The following KBTBD4 variants were observed in gnomAD, a reference collection of about 807,000 sequenced individuals.
KBTBD4 encodes kelch repeat and BTB domain containing 4, also known as kelch repeat and BTB domain-containing protein 4.
KBTBD4 carries 30 observed loss-of-function variants against 43.9 expected under a neutral mutation model. The ratio of observed to expected loss-of-function variants is 0.68; its 90% CI spans 0.51 to 0.93. The LOEUF (loss-of-function observed/expected upper bound fraction) is 0.93. Among genes scored for constraint, KBTBD4 ranks in the 40% least tolerant of loss-of-function variants. The pLI is 0.00. For synonymous variants in KBTBD4, 258 were observed against 256.9 expected (o/e 1.00, Z -0.04); for missense variants, 575 against 668.8 (o/e 0.86, Z 1.55).
rs371831397 is a variant in KBTBD4, at chr11:47,578,911, C to T, written c.19+22G>A. ...CCACGCTCACCTCACGATTTCCCTA[C>T]CTGCCTGTCTCGCTTTCTCACCTGC... On this transcript the variant is annotated intron_variant, in intron 1 of 3. Transcript: ENST00000430070. The T allele has an allele frequency of 1.2e-5, 18 of 1,551,658 alleles. 1 individual carries two copies. Among genetic ancestry groups the T allele is most frequent in the Non-Finnish European group, 1.6e-5 (18 of 1,147,022 alleles).
intron 1 of KBTBD4, 129 bp downstream of exon 1, chr11:47,578,804 G>GCCCCC: frequency 1.3e-6 from 2 of 1,529,510 alleles, no homozygotes; most frequent in Non-Finnish European, 1.8e-6. Flanking sequence ...AACCCAAAAC[G>GCCCCC]CCCGCCCCCT....
At chr11:47,578,094 C>T in intron 1 of KBTBD4, 66 bp from the exon 2 acceptor site, 1 of 1,574,848 alleles carries the variant, frequency 6.3e-7, no homozygotes, top group Non-Finnish European at 8.6e-7. Context: ...ATCCAACTGT[C>T]CAACTCAGGG....
Position 47,572,963 on chromosome 11 carries a change from C to T in KBTBD4, c.1572G>A (p.Val524=). 5 of 1,614,150 alleles carry T rather than the reference C, an allele frequency of 3.1e-6. No individual in the cohort carries two copies. The highest frequency in any genetic ancestry group is 1.1e-5 in the South Asian group (1 of 91,072). The part of the protein sequence containing the change: ...SAVTVTRGIK[V]LLTNLQFVLA ...ACACAAACTGCAAATTGGTAAGCAG[C>T]ACCTTAATACCTCTTGTGACAGTTA... The change falls in exon 4 of 4, where the codon GTG becomes GTA. Residue 524 remains valine (V), a synonymous_variant. Transcript: ENST00000430070.
At chr11:47,574,028 T>G (rs1478196380) in intron 3 of KBTBD4, among the ~76,000 whole-genome samples, 1 of 152,154 alleles carries the variant, frequency 6.6e-6, no homozygotes, top group Non-Finnish European at 1.5e-5. Flanking sequence ...AAGCTAGTGC[T>G]TCAGACAAAG....
rs756555249 is a variant in KBTBD4, at chr11:47,577,948, T to A, written c.100A>T (p.Asn34Tyr). The A allele has an allele frequency of 1.2e-6, 2 of 1,614,208 alleles. No individual in the cohort carries two copies. Among genetic ancestry groups the A allele is most frequent in the South Asian group, 2.2e-5 (2 of 91,090 alleles). Residue 34 changes from asparagine to tyrosine, a missense_variant, in exon 2 of 4, where the codon AAC becomes TAC. Physicochemically the swap from Asn to Tyr is moderately radical, Grantham distance 143. Coordinates refer to ENST00000430070, the MANE Select transcript of KBTBD4 (RefSeq NM_018095.6). ...TGTGACCGATCTTTGAAAGTGTAGTTCACAAAGTAGTTCTCATCCATGGAT... is the reference window on the plus strand; with the variant it reads ...TGTGACCGATCTTTGAAAGTGTAGTACACAAAGTAGTTCTCATCCATGGAT... ...GASMDENYFVNYTFKDRSHSG... is the reference protein window; with the variant it reads ...GASMDENYFVYYTFKDRSHSG...
At position 47,575,726 on chromosome 11, in the gene KBTBD4, T is replaced by TCAATGA. The variant is rs770753126; in HGVS notation, c.638-33_638-28dup. On this transcript the variant is annotated intron_variant, in intron 2 of 3. Coordinates refer to ENST00000430070, the MANE Select transcript of KBTBD4 (RefSeq NM_018095.6). Reference sequence around the variant, plus strand: ...TGTGAGAGCCAGAGGAAAGGCATGGTCAATGACAATCCGAAAGAGAAATTC... The same window carrying TCAATGA: ...TGTGAGAGCCAGAGGAAAGGCATGGTCAATGACAATGACAATCCGAAAGAGAAATTC... 9.3e-6 allele frequency: 13 copies of TCAATGA among 1,402,172 alleles called. No homozygotes were observed. In the African/African-American group the frequency reaches 1.6e-4, roughly 17 times the overall value. 86.9% of individuals were successfully genotyped at this position (1,402,172 alleles called of 1,614,324 possible). A position where few individuals can be genotyped will look rare whatever the true frequency, so the allele number is the denominator to read the frequency against.
At chr11:47,578,688 G>C in intron 1 of KBTBD4, 1 of 1,114,772 alleles carries the variant, frequency 9.0e-7, no homozygotes, top group African/African-American at 1.6e-5. Flanking sequence ...GCTCCACCTT[G>C]AGTCGTCTTG....
At chr11:47,578,212 C>T (rs2097263900) in intron 1 of KBTBD4, 184 bp from the exon 2 acceptor site, 2 of 614,252 alleles carry the variant, frequency 3.3e-6, no homozygotes, top group Admixed American at 5.9e-5. Flanking sequence ...GTTCGTTATC[C>T]CCAGTGGCGC....
chr11:47,572,929 C>T lies in KBTBD4; in HGVS notation c.*1G>A. ...GCAGTTCTCCTCCCCTCCCCACAGC[C>T]TTAGGCCAACACAAACTGCAAATTG... On this transcript the variant is annotated 3_prime_UTR_variant, in exon 4 of 4. Coordinates refer to ENST00000430070, the MANE Select transcript of KBTBD4 (RefSeq NM_018095.6). 6.2e-7 allele frequency: 1 copy of T among 1,611,470 alleles called. No homozygotes were observed. Among genetic ancestry groups the T allele is most frequent in the Non-Finnish European group, 8.5e-7 (1 of 1,178,304 alleles).
In KBTBD4 at chr11:47,575,706, G is replaced by A. The variant is rs2097257940; in HGVS notation, c.638-7C>T. The A allele has an allele frequency of 1.9e-6, 3 of 1,567,182 alleles. No homozygotes were observed. Among genetic ancestry groups the A allele is most frequent in the African/African-American group, 1.4e-5 (1 of 73,220 alleles). On this transcript the variant is annotated splice_polypyrimidine_tract_variant and splice_region_variant and intron_variant, in intron 2 of 3. Transcript: ENST00000430070. ...TGAGAACACGGAACTCCATCTGTGA[G>A]AGCCAGAGGAAAGGCATGGTCAATG... is the stretch of plus-strand genomic sequence containing the variant.
chr11:47,573,477 C>T lies in KBTBD4; in HGVS notation c.1058G>A (p.Gly353Asp), dbSNP rs2097253517. The T allele has an allele frequency of 6.2e-7, 1 of 1,614,188 alleles. No individual in the cohort carries two copies. Among genetic ancestry groups the T allele is most frequent in the Non-Finnish European group, 8.5e-7 (1 of 1,180,032 alleles). Reference protein sequence around the residue: ...PGKDAIYSLGGKTLQDTLSNA... With the variant: ...PGKDAIYSLGDKTLQDTLSNA... The stretch of plus-strand genomic sequence containing the variant: ...GGAGAGGGTATCTTGCAGTGTCTTG[C>T]CACCCAGTGAATATATGGCATCTTT... Residue 353 changes from glycine (G) to aspartate (D), a missense_variant, in exon 4 of 4, where the codon GGC becomes GAC. Gly to Asp is a moderately conservative substitution (Grantham distance 94). Transcript: ENST00000430070. This position sits in a 1 kb window ranked among gnomAD's most constrained non-coding sequence, Gnocchi z 4.1.
chr11:47,576,263 T>C (rs1485308649), intron 2 of KBTBD4, among the ~76,000 whole-genome samples: 2 of 146,920 alleles, frequency 1.4e-5, no homozygotes, highest in African/African-American at 5.0e-5. Flanking sequence ...ACCTCCCGGG[T>C]TCACGCCATT....
At chr11:47,578,414 T>A in intron 1 of KBTBD4, 1 of 567,832 alleles carries the variant, frequency 1.8e-6, no homozygotes. Context: ...CTAGTGAAGC[T>A]CAGGGGCAGT....
intron 2 of KBTBD4, among the ~76,000 whole-genome samples, chr11:47,577,115 G>C (rs2097261106): frequency 6.6e-6 from 1 of 152,112 alleles, no homozygotes; most frequent in South Asian, 2.1e-4. Flanking sequence ...GACCCACTGG[G>C]ACATACGAAG....
At position 47,573,080 on chromosome 11, in the gene KBTBD4, A is replaced by C. The variant is rs771044336; in HGVS notation, c.1455T>G (p.Ile485Met). 6.2e-7 allele frequency: 1 copy of C among 1,614,168 alleles called. No homozygotes were observed. The highest frequency in any genetic ancestry group is 1.1e-5 in the South Asian group (1 of 91,078). ...AWSSAPSLWK[I>M]ASCNGSIYVF... is the part of the protein sequence containing the mutation. ...CATAGATGCTCCCGTTACAGCTGGCAATCTTCCAGAGGGATGGGGCAGAGC... is the reference window on the plus strand; with the variant it reads ...CATAGATGCTCCCGTTACAGCTGGCCATCTTCCAGAGGGATGGGGCAGAGC... The change falls in exon 4 of 4, where the codon ATT becomes ATG. Residue 485 changes from isoleucine to methionine, a missense_variant. Ile to Met is a conservative substitution (Grantham distance 10). Coordinates refer to ENST00000430070, the MANE Select transcript of KBTBD4 (RefSeq NM_018095.6). The surrounding 1 kb of genome is among the most constrained non-coding windows in gnomAD (Gnocchi z 4.1).
chr11:47,577,514 G>A lies in KBTBD4; in HGVS notation c.534C>T (p.Leu178=), dbSNP rs1322100886. The A allele has an allele frequency of 8.7e-6, 14 of 1,614,022 alleles. No individual in the cohort carries two copies. The highest frequency in any genetic ancestry group is 1.3e-5 in the African/African-American group (1 of 74,912). Reference sequence around the variant, plus strand: ...TGGCACAGTGCTTGGCAGCCGTATAGAGCTCAGGATCACTGTGCCGATCTG... The same window carrying A: ...TGGCACAGTGCTTGGCAGCCGTATAAAGCTCAGGATCACTGTGCCGATCTG... The part of the protein sequence containing the change: ...WLADRHSDPE[L]YTAAKHCAKT... The change falls in exon 2 of 4, where the codon CTC becomes CTT. Residue 178 remains leucine (L), a synonymous_variant. Coordinates refer to ENST00000430070, the MANE Select transcript of KBTBD4 (RefSeq NM_018095.6).
chr11:47,578,776 G>T (rs2097265334), intron 1 of KBTBD4, 157 bp downstream of exon 1: 1 of 1,519,280 alleles, frequency 6.6e-7, no homozygotes, highest in Non-Finnish European at 8.8e-7. Flanking sequence ...GAGAGCGGGG[G>T]AGGGGTGTGT....
chr11:47,572,519 G>A lies in KBTBD4; in HGVS notation c.*411C>T, dbSNP rs1352372390. On this transcript the variant is annotated 3_prime_UTR_variant, in exon 4 of 4. Transcript: ENST00000430070. ...AAACTCTTAACACCTAATTCTTTGT[G>A]GAAAAATGATCAACTAGCCATTTCA... is the stretch of plus-strand genomic sequence containing the variant. The A allele has an allele frequency of 5.7e-6, 1 of 175,882 alleles. No individual in the cohort carries two copies. Among genetic ancestry groups the A allele is most frequent in the Non-Finnish European group, 1.2e-5 (1 of 82,236 alleles). 10.9% of individuals were successfully genotyped at this position (175,882 alleles called of 1,614,324 possible). A position where few individuals can be genotyped will look rare whatever the true frequency, so the allele number is the denominator to read the frequency against.
At chr11:47,575,524 G>T in intron 3 of KBTBD4, 69 bp downstream of exon 3, 3 of 1,002,478 alleles carry the variant, frequency 3.0e-6, no homozygotes, top group South Asian at 1.4e-5. Context: ...AAAAAAAAGA[G>T]GCCAAATTAA....
Sources: gnomAD v4.1 joint callset for allele counts (sites outside exome capture counted in the v4.1 genomes callset) on GRCh38, gnomAD v4.1.1 for gene constraint, Gnocchi (gnomAD v3.1) non-coding constraint, MANE v1.5 for transcripts, NCBI Gene and HGNC (gene_info 2026-07-23, HGNC 2026-07-21) for gene names.